KSR2: variants seen among roughly 807,000 people sequenced by gnomAD.
KSR2 encodes the protein kinase suppressor of ras 2.
A neutral mutation model predicts 107.8 loss-of-function variants in KSR2; 25 were observed. That is an observed-to-expected ratio of 0.23 (90% CI 0.17 to 0.32). The LOEUF is 0.32. Among genes scored for constraint, KSR2 ranks in the 10% least tolerant of loss-of-function variants. The probability of loss-of-function intolerance (pLI) is 1.00; values close to 1 mark genes in which losing one functional copy is unlikely to be tolerated. For missense variants in KSR2, 887 were observed against 1,268.9 expected, an observed-to-expected ratio of 0.70 and a Z score of 4.57; for synonymous variants, 480 against 507.0, an observed-to-expected ratio of 0.95 and a Z score of 0.71.
chr12:117,542,045 C>T (rs1434012148), intron 9 of KSR2, among the ~76,000 whole-genome samples: 1 of 151,958 alleles, frequency 6.6e-6, no homozygotes. Flanking sequence ...ACCACCATGC[C>T]CAGCTTTAAA....
At chr12:117,583,163 AGATG>A (rs1879772904) in intron 5 of KSR2, among the ~76,000 whole-genome samples, 1 of 151,018 alleles carries the variant, frequency 6.6e-6, no homozygotes, top group Admixed American at 6.6e-5. Flanking sequence ...GTGGGTGAGT[AGATG>A]GATGGACAGA....
chr12:117,912,257 G>A (rs562665827), intron 1 of KSR2, among the ~76,000 whole-genome samples: 1 of 152,284 alleles, frequency 6.6e-6, no homozygotes, highest in South Asian at 2.1e-4. Flanking sequence ...CAAGGTCAAT[G>A]GGAAAAGCTA....
chr12:117,608,402 G>A (rs1476567847), intron 5 of KSR2, among the ~76,000 whole-genome samples: 1 of 152,100 alleles, frequency 6.6e-6, no homozygotes, highest in Non-Finnish European at 1.5e-5. Flanking sequence ...CCAGACTTTG[G>A]GTTAATAAGG....
intron 4 of KSR2, among the ~76,000 whole-genome samples, chr12:117,716,461 C>T (rs1716931826): frequency 6.6e-6 from 1 of 152,140 alleles, no homozygotes; most frequent in East Asian, 1.9e-4. Context: ...TTGAAGACTC[C>T]ACATGGAAAA....
chr12:117,731,390 A>G (rs1181373019), intron 4 of KSR2, among the ~76,000 whole-genome samples: 1 of 139,696 alleles, frequency 7.2e-6, no homozygotes, highest in African/African-American at 2.8e-5. Context: ...GTCTCCGCCC[A>G]GCAGCCGCCC....
intron 1 of KSR2, among the ~76,000 whole-genome samples, chr12:117,966,238 T>C (rs1014935647): frequency 1.3e-5 from 2 of 152,100 alleles, no homozygotes; most frequent in East Asian, 1.9e-4. Context: ...CGAAGAAACT[T>C]ACACAGGAAT....
At chr12:117,625,627 G>A (rs10037378) in intron 5 of KSR2, among the ~76,000 whole-genome samples, 2 of 152,144 alleles carry the variant, frequency 1.3e-5, no homozygotes, top group African/African-American at 2.4e-5. Flanking sequence ...GAGGATTTTC[G>A]CATTGATGTT....
At chr12:117,819,497 T>C (rs1019235436) in intron 3 of KSR2, among the ~76,000 whole-genome samples, 1 of 152,210 alleles carries the variant, frequency 6.6e-6, no homozygotes, top group Non-Finnish European at 1.5e-5. Flanking sequence ...TTCACTCTTT[T>C]GATTTATGGT....
At chr12:117,836,913 T>G (rs953757514) in intron 3 of KSR2, among the ~76,000 whole-genome samples, 1 of 152,260 alleles carries the variant, frequency 6.6e-6, no homozygotes, top group Non-Finnish European at 1.5e-5. Context: ...ATGAAGCCAC[T>G]GCCTAGAGTT....
chr12:117,762,345 A>G (rs771806658), intron 3 of KSR2, among the ~76,000 whole-genome samples: 3 of 152,176 alleles, frequency 2.0e-5, no homozygotes, highest in Non-Finnish European at 2.9e-5. Context: ...TACTTCCTCC[A>G]GATCTGTGTC....
chr12:117,681,802 A>C (rs909817234), intron 4 of KSR2, among the ~76,000 whole-genome samples: 1 of 152,170 alleles, frequency 6.6e-6, no homozygotes, highest in Non-Finnish European at 1.5e-5. Context: ...AAATAGAAAC[A>C]CTTTTACACT....
At chr12:117,812,028 C>G (rs781493432) in intron 3 of KSR2, among the ~76,000 whole-genome samples, 1 of 152,124 alleles carries the variant, frequency 6.6e-6, no homozygotes, top group Non-Finnish European at 1.5e-5. Context: ...AGCTTGGGCT[C>G]AAGGAGCAGG....
intron 3 of KSR2, among the ~76,000 whole-genome samples, chr12:117,801,592 A>G (rs1050517691): frequency 3.3e-5 from 5 of 152,158 alleles, no homozygotes; most frequent in Admixed American, 3.3e-4. Context: ...TCACATGGCC[A>G]GAGTGGGGTT....
intron 5 of KSR2, among the ~76,000 whole-genome samples, chr12:117,628,985 C>T (rs2136364938): frequency 6.6e-6 from 1 of 152,370 alleles, no homozygotes; most frequent in South Asian, 2.1e-4. Context: ...GAGCAAGGCT[C>T]CATGGGCATG....
chr12:117,966,634 CACACACACACACAT>C (rs1479723429), intron 1 of KSR2, among the ~76,000 whole-genome samples: 1 of 150,214 alleles, frequency 6.7e-6, no homozygotes, highest in Non-Finnish European at 1.5e-5. Context: ...CACACACACA[CACACACACACACAT>C]GCTGTCTCTC....
chr12:117,731,067 G>A (rs555495441), intron 4 of KSR2, among the ~76,000 whole-genome samples: 49 of 151,320 alleles, frequency 3.2e-4, no homozygotes, highest in Middle Eastern at 3.4e-3. Context: ...AGTGAGGAGC[G>A]TCTCTGCCCG....
At chr12:117,915,168 G>A (rs1895137874) in intron 1 of KSR2, among the ~76,000 whole-genome samples, 2 of 152,190 alleles carry the variant, frequency 1.3e-5, no homozygotes, top group Non-Finnish European at 2.9e-5. Flanking sequence ...AAACTACCAT[G>A]GGCTGGATGG....
chr12:117,918,845 C>T (rs1293959671), intron 1 of KSR2, among the ~76,000 whole-genome samples: 1 of 152,076 alleles, frequency 6.6e-6, no homozygotes, highest in Admixed American at 6.5e-5. Context: ...TAGCTCACAC[C>T]TGTAATCCCA....
chr12:117,659,742 C>T (rs1193935787), intron 5 of KSR2, among the ~76,000 whole-genome samples: 5 of 152,218 alleles, frequency 3.3e-5, no homozygotes, highest in Middle Eastern at 3.2e-3. Flanking sequence ...CCAGCTCTGA[C>T]ATCTATCCTA....
Sources: gnomAD v4.1 joint callset for allele counts (sites outside exome capture counted in the v4.1 genomes callset) on GRCh38, gnomAD v4.1.1 for gene constraint, MANE v1.5 for transcripts, NCBI Gene and HGNC (gene_info 2026-07-23, HGNC 2026-07-21) for gene names.